The following GRAMD1A variants were observed in gnomAD, a reference collection of about 807,000 sequenced individuals.
GRAMD1A encodes the protein protein Aster-A.
In GRAMD1A, 50 loss-of-function variants were observed where a neutral mutation model predicts 92.0. That is an observed-to-expected ratio of 0.54 (90% CI 0.43 to 0.69). GRAMD1A has a LOEUF of 0.69. GRAMD1A is among the 30% of genes least tolerant of loss of function. The pLI is 0.00. For missense variants in GRAMD1A, 819 were observed against 978.9 expected (o/e 0.84, Z 2.18); for synonymous variants, 405 against 403.6 (o/e 1.00, Z -0.04).
rs538716547 is a variant in GRAMD1A at position 35,009,136 on chromosome 19, G to A, written c.26G>A (p.Gly9Asp). Residue 9 changes from glycine (G) to aspartate (D), a missense_variant, in exon 2 of 20, where the codon GGC becomes GAC. Physicochemically the swap from Gly to Asp is moderately conservative, Grantham distance 94. This residue lies in a region of GRAMD1A where 98 missense variants were observed against 84.0 expected (regional missense o/e 1.17). Transcript: ENST00000317991. ...GCCCCCAGCACCACACCCCACTCTG[G>A]CCGGAGCACGCCAAGCAGCTCCCCA... Reference protein sequence around the residue: MFDTTPHSGRSTPSSSPSL... With the variant: MFDTTPHSDRSTPSSSPSL... 46 of 1,613,256 alleles carry A rather than the reference G, an allele frequency of 2.9e-5. 1 individual carries two copies. In the South Asian group the frequency reaches 4.6e-4, roughly 16 times the overall value.
intron 3 of GRAMD1A, 51 bp from the exon 4 acceptor site, chr19:35,009,837 C>T (rs1401211509): frequency 9.4e-7 from 1 of 1,061,530 alleles, no homozygotes; most frequent in East Asian, 2.4e-5. Flanking sequence ...TGTGGGGCAG[C>T]ATTGGGAGTG....
Position 35,010,321 on chromosome 19 carries a change from A to C in GRAMD1A, c.467A>C (p.Lys156Thr), listed in dbSNP as rs1568323871. Residue 156 changes from lysine (K) to threonine (T), a missense_variant, in exon 6 of 20, where the codon AAG (lysine) becomes ACG (threonine). Lys to Thr is a moderately conservative substitution (Grantham distance 78). Transcript: ENST00000317991. Reference sequence around the variant, plus strand: ...CTGAAGGAAGTGACATGTCTGAAGAAGGAAAAGACGGCCAAGCTGATCCCC... The same window carrying C: ...CTGAAGGAAGTGACATGTCTGAAGACGGAAAAGACGGCCAAGCTGATCCCC... ...IQLKEVTCLK[K>T]EKTAKLIPNA... 1.2e-6 allele frequency: 2 copies of C among 1,613,998 alleles called. No individual in the cohort carries two copies. Among genetic ancestry groups the C allele is most frequent in the Non-Finnish European group, 1.7e-6 (2 of 1,179,810 alleles).
At position 35,023,243 on chromosome 19, in the gene GRAMD1A, A is replaced by C. The variant is rs557724457; in HGVS notation, c.1861A>C (p.Ile621Leu). ...TCTGACCCCTGTCCCCAGCCTTATCATCCTCATCGCCCTCAACGTCCTGCT... is the reference window on the plus strand; with the variant it reads ...TCTGACCCCTGTCCCCAGCCTTATCCTCCTCATCGCCCTCAACGTCCTGCT... ...ISIVICVSLI[I>L]LIALNVLLFY... is the part of the protein sequence containing the mutation. Residue 621 changes from isoleucine (I) to leucine (L), a missense_variant, in exon 18 of 20, where the codon ATC (isoleucine) becomes CTC (leucine). Ile to Leu is a conservative substitution (Grantham distance 5). Transcript: ENST00000317991. 6.2e-7 allele frequency: 1 copy of C among 1,613,446 alleles called. No homozygotes were observed. Among genetic ancestry groups the C allele is most frequent in the East Asian group, 2.2e-5 (1 of 44,880 alleles).
intron 1 of GRAMD1A, among the ~76,000 whole-genome samples, chr19:35,004,136 G>A (rs1047590764): frequency 3.9e-5 from 6 of 152,138 alleles, no homozygotes; most frequent in African/African-American, 1.4e-4. Flanking sequence ...AGCTAAGGCT[G>A]GAGGATCGCT....
At chr19:35,017,172 T>A (rs111639718) in intron 11 of GRAMD1A, among the ~76,000 whole-genome samples, 3 of 149,202 alleles carry the variant, frequency 2.0e-5, no homozygotes, top group African/African-American at 7.4e-5. Context: ...GAGACTCCAT[T>A]AAAAAAAAAA....
At chr19:34,996,272 CAG>C (rs568913222), upstream of GRAMD1A, 431 of 1,532,698 alleles carry the variant, frequency 2.8e-4, 2 homozygotes, top group East Asian at 9.8e-3. Flanking sequence ...GCCAGACCCG[CAG>C]AGTCTGTCCC....
chr19:35,020,745 AG>A (rs2015992043), intron 13 of GRAMD1A, among the ~76,000 whole-genome samples: 1 of 150,640 alleles, frequency 6.6e-6, no homozygotes, highest in South Asian at 2.1e-4. Flanking sequence ...CAACCAGGCC[AG>A]GGCTCTGAGC....
chr19:35,026,237 C>T lies in GRAMD1A; in HGVS notation c.*96C>T, dbSNP rs1381151277. ...CACGGTGTGAGCGCCAGGCATCTCC[C>T]ACCCGCCCCTCCCGACGGCCCAACC... On this transcript the variant is annotated 3_prime_UTR_variant, in exon 20 of 20. Coordinates refer to ENST00000317991, the MANE Select transcript of GRAMD1A (RefSeq NM_020895.5). 4.3e-6 allele frequency: 3 copies of T among 701,872 alleles called. No individual in the cohort carries two copies. Among genetic ancestry groups the T allele is most frequent in the East Asian group, 5.4e-5 (2 of 37,192 alleles). The allele number at this position is 701,872 out of a possible 1,614,324, so 43.5% of individuals were successfully genotyped here.
At chr19:34,999,993 TG>T, upstream of GRAMD1A, 3 of 984,892 alleles carry the variant, frequency 3.0e-6, no homozygotes, top group Non-Finnish European at 3.6e-6. Context: ...GGTTCCTCCC[TG>T]GGAGGTCCAG....
intron 19 of GRAMD1A, 105 bp downstream of exon 19, chr19:35,023,652 C>T: frequency 8.9e-7 from 1 of 1,118,414 alleles, no homozygotes; most frequent in East Asian, 2.6e-5. Flanking sequence ...TCTCAGTGTC[C>T]TCCTCTGTAA....
chr19:34,995,774 G>A (rs2014012471), upstream of GRAMD1A, among the ~76,000 whole-genome samples: 1 of 151,858 alleles, frequency 6.6e-6, no homozygotes, highest in Non-Finnish European at 1.5e-5. Flanking sequence ...GTAGAGATAA[G>A]GTCTTGCTAT....
At chr19:35,022,292 G>A (rs139829426) in intron 16 of GRAMD1A, among the ~76,000 whole-genome samples, 43 of 152,270 alleles carry the variant, frequency 2.8e-4, no homozygotes, top group Middle Eastern at 3.4e-3. Context: ...ATCAAGGGGG[G>A]CTTTCTGGAG....
intron 13 of GRAMD1A, among the ~76,000 whole-genome samples, chr19:35,020,394 C>T (rs909652105): frequency 2.6e-5 from 4 of 151,890 alleles, no homozygotes; most frequent in East Asian, 3.9e-4. Context: ...AAAAATTAGT[C>T]GGGGGTAGTG....
chr19:35,019,462 C>T lies in GRAMD1A; in HGVS notation c.1404C>T (p.Pro468=), dbSNP rs547257936. ...VDSEVLTQGI[P]YQDYFYTAHR... is the part of the protein sequence containing the mutation. ...CCGAGGTGCTGACGCAGGGCATCCCCTACCAGGACTACTTCTACACTGCCC... is the reference window on the plus strand; with the variant it reads ...CCGAGGTGCTGACGCAGGGCATCCCTTACCAGGACTACTTCTACACTGCCC... The change falls in exon 13 of 20, where the codon CCC becomes CCT. Residue 468 remains proline, a synonymous_variant. Transcript: ENST00000317991. 1 of 1,613,828 alleles carries T rather than the reference C, an allele frequency of 6.2e-7. No homozygotes were observed. The highest frequency in any genetic ancestry group is 1.3e-5 in the African/African-American group (1 of 74,926).
chr19:35,003,533 G>T (rs1046008559), intron 1 of GRAMD1A, among the ~76,000 whole-genome samples: 1 of 152,208 alleles, frequency 6.6e-6, no homozygotes, highest in Admixed American at 6.5e-5. Flanking sequence ...CGTGGTCCCT[G>T]CCCTGTCTGT....
chr19:35,021,647 C>T lies in GRAMD1A; in HGVS notation c.1579+42C>T, dbSNP rs372545914. On this transcript the variant is annotated intron_variant, in intron 14 of 19. Transcript: ENST00000317991. This position sits in a 1 kb window ranked among gnomAD's most constrained non-coding sequence, Gnocchi z 5.3. ...GGCTGGGGCGTGGGTTGGGGGATGG[C>T]CTGGCCAGGTATGGACATCCAGAGC... is the stretch of plus-strand genomic sequence containing the variant. The T allele has an allele frequency of 5.5e-5, 88 of 1,613,280 alleles. No individual in the cohort carries two copies. The highest frequency in any genetic ancestry group is 1.2e-5 in the Non-Finnish European group (14 of 1,179,264).
upstream of GRAMD1A, chr19:35,000,289 C>A (rs945738544): frequency 2.1e-5 from 22 of 1,033,450 alleles, no homozygotes; most frequent in Non-Finnish European, 2.2e-5. The surrounding 1 kb of genome is among the most constrained non-coding windows in gnomAD (Gnocchi z 4.9). Flanking sequence ...AAGGGGGTGT[C>A]GCTGACGCCG....
chr19:35,016,652 G>C (rs2015654366), intron 11 of GRAMD1A, among the ~76,000 whole-genome samples: 1 of 151,384 alleles, frequency 6.6e-6, no homozygotes, highest in Non-Finnish European at 1.5e-5. Context: ...TATAATCCCA[G>C]CGCTTTGGGA....
At position 35,026,230 on chromosome 19, in the gene GRAMD1A, C is replaced by A; in HGVS notation, c.*89C>A. On this transcript the variant is annotated 3_prime_UTR_variant, in exon 20 of 20. Coordinates refer to ENST00000317991, the MANE Select transcript of GRAMD1A (RefSeq NM_020895.5). ...CTGCTGGCACGGTGTGAGCGCCAGG[C>A]ATCTCCCACCCGCCCCTCCCGACGG... 2 of 722,770 alleles carry A rather than the reference C, an allele frequency of 2.8e-6. No individual in the cohort carries two copies. Among genetic ancestry groups the A allele is most frequent in the South Asian group, 1.5e-5 (1 of 65,966 alleles). The allele number at this position is 722,770 out of a possible 1,614,324, so 44.8% of individuals were successfully genotyped here. A position where few individuals can be genotyped will look rare whatever the true frequency, so the allele number is the denominator to read the frequency against.
Sources: allele counts gnomAD v4.1 joint callset (sites outside exome capture counted in the v4.1 genomes callset), GRCh38; gene constraint gnomAD v4.1.1; regional missense constraint gnomAD v4.1.1; non-coding constraint Gnocchi (gnomAD v3.1); transcripts MANE v1.5; gene names NCBI Gene and HGNC (gene_info 2026-07-23, HGNC 2026-07-21).